Variants in ZBTB1 observed in about 807,000 individuals in gnomAD.
The protein encoded by ZBTB1 is zinc finger and BTB domain-containing protein 1.
In ZBTB1, 13 loss-of-function variants were observed where a neutral mutation model predicts 51.6. The ratio of observed to expected loss-of-function variants is 0.25; its 90% CI spans 0.16 to 0.40. The LOEUF is 0.40. ZBTB1 is among the 10% of genes least tolerant of loss of function. The pLI, the probability that ZBTB1 is intolerant of heterozygous loss-of-function variation, is 1.00. For synonymous variants in ZBTB1, 240 were observed against 282.2 expected, an observed-to-expected ratio of 0.85 and a Z score of 1.50; for missense variants, 567 against 856.5, an observed-to-expected ratio of 0.66 and a Z score of 4.22.
In ZBTB1 at chr14:64,522,549, G is replaced by C. The variant is rs1326372684; in HGVS notation, c.1045G>C (p.Asp349His). 1 of 1,613,788 alleles carries C rather than the reference G, an allele frequency of 6.2e-7. No individual in the cohort carries two copies. The highest frequency in any genetic ancestry group is 8.5e-7 in the Non-Finnish European group (1 of 1,179,970). The part of the protein sequence containing the change: ...LKDFNIIKVT[D>H]KDCNESTDND... ...AGACTTTAACATTATTAAAGTTACT[G>C]ATAAAGACTGTAATGAATCCACTGA... Residue 349 changes from aspartate to histidine, a missense_variant, in exon 2 of 2, where the codon GAT becomes CAT. This residue lies in a region of ZBTB1 where 329 missense variants were observed against 406.3 expected (regional missense o/e 0.81). Transcript: ENST00000683701.
rs1160337478 is a variant in ZBTB1 at position 64,517,781 on chromosome 14, A to ATATATT, written c.-18-3705_-18-3704insATATTT. On this transcript the variant is annotated intron_variant, in intron 1 of 1. Coordinates refer to ENST00000683701, the MANE Select transcript of ZBTB1 (RefSeq NM_001123329.2). ...AATATATATATATATATATATATAT[A>ATATATT]TTTTTTTTTTTTTTTTTTTTTTGAG... Among the ~76,000 whole-genome samples, 232 of 41,544 alleles carry ATATATT rather than the reference A, an allele frequency of 5.6e-3. 3 individuals are homozygous for ATATATT. The highest frequency in any genetic ancestry group is 9.0e-3 in the Non-Finnish European group (194 of 21,654). The allele number at this position is 41,544 out of a possible 152,430, so 27.3% of individuals were successfully genotyped here.
At chr14:64,526,669 AAATT>A (rs147956097), downstream of ZBTB1, among the ~76,000 whole-genome samples, 85 of 152,310 alleles carry the variant, frequency 5.6e-4, 2 homozygotes, top group East Asian at 0.016. Context: ...AGAATCTCAG[AAATT>A]AATAGAGCAC....
chr14:64,522,228 C>T lies in ZBTB1; in HGVS notation c.724C>T (p.His242Tyr). 1 of 1,614,166 alleles carries T rather than the reference C, an allele frequency of 6.2e-7. No individual in the cohort carries two copies. Among genetic ancestry groups the T allele is most frequent in the South Asian group, 1.1e-5 (1 of 91,082 alleles). The change falls in exon 2 of 2, where the codon CAT (histidine) becomes TAT (tyrosine). Residue 242 changes from histidine (H) to tyrosine (Y), a missense_variant. By Grantham distance (83) the His-to-Tyr change is moderately conservative. Around this residue, in one of 5 missense-constraint regions of ZBTB1, gnomAD observed 329 missense variants for 406.3 expected, o/e 0.81. Transcript: ENST00000683701. ...DEHVLTCTNR[H>Y]LYQNTRSYHR... ...GCATGTGCTAACCTGTACTAACAGA[C>T]ATTTATACCAAAACACAAGATCTTA... is the stretch of plus-strand genomic sequence containing the variant.
intron 1 of ZBTB1, among the ~76,000 whole-genome samples, chr14:64,511,799 G>A (rs754455020): frequency 6.6e-6 from 1 of 152,216 alleles, no homozygotes; most frequent in Non-Finnish European, 1.5e-5. Flanking sequence ...AGGCCATTTT[G>A]TGTAGGTGCA....
chr14:64,513,163 CACAT>C (rs2079743222), intron 1 of ZBTB1, among the ~76,000 whole-genome samples: 1 of 151,970 alleles, frequency 6.6e-6, no homozygotes, highest in Non-Finnish European at 1.5e-5. Context: ...CACACATACA[CACAT>C]ACATGTATAT....
intron 1 of ZBTB1, among the ~76,000 whole-genome samples, chr14:64,518,960 AAC>A (rs144951753): frequency 0.07 from 9,839 of 140,378 alleles, 422 homozygotes; most frequent in South Asian, 0.14. Flanking sequence ...TAGGTTAAAA[AAC>A]ACAACAAAAG....
At chr14:64,516,404 T>C (rs111788136) in intron 1 of ZBTB1, among the ~76,000 whole-genome samples, 3,809 of 152,386 alleles carry the variant, frequency 0.025, 55 homozygotes, top group Middle Eastern at 0.054. Flanking sequence ...ATTTGCATAA[T>C]AATGTTACTT....
intron 1 of ZBTB1, among the ~76,000 whole-genome samples, chr14:64,514,669 G>A (rs1266310818): frequency 1.3e-5 from 2 of 152,204 alleles, no homozygotes; most frequent in Admixed American, 1.3e-4. Context: ...AGATTGACAT[G>A]TATGGATAAA....
In ZBTB1 at chr14:64,524,143, T is replaced by A. The variant is rs1190730833; in HGVS notation, c.*497T>A. On this transcript the variant is annotated 3_prime_UTR_variant, in exon 2 of 2. Transcript: ENST00000683701. The stretch of plus-strand genomic sequence containing the variant: ...TCCCCCTTATTAATGAAATTCATAT[T>A]CTTAAATTGACAAGCTTATTAGGCA... 1 of 985,060 alleles carries A rather than the reference T, an allele frequency of 1.0e-6. No homozygotes were observed. The highest frequency in any genetic ancestry group is 1.2e-6 in the Non-Finnish European group (1 of 829,786). The allele number at this position is 985,060 out of a possible 1,614,324, so 61.0% of individuals were successfully genotyped here.
At chr14:64,515,662 A>G (rs1227931547) in intron 1 of ZBTB1, among the ~76,000 whole-genome samples, 3 of 151,980 alleles carry the variant, frequency 2.0e-5, no homozygotes, top group Non-Finnish European at 4.4e-5. Flanking sequence ...CTGGGAATAC[A>G]GGTGCCTGCC....
chr14:64,511,022 T>C lies in ZBTB1; in HGVS notation c.-19+6076T>C, dbSNP rs559667279. On this transcript the variant is annotated intron_variant, in intron 1 of 1. Transcript: ENST00000683701. ...ATGGTTGATTATGAGGGAGAAGTTATAGGTAGCTCCCAAGTAGTCTAGGTG... is the reference window on the plus strand; with the variant it reads ...ATGGTTGATTATGAGGGAGAAGTTACAGGTAGCTCCCAAGTAGTCTAGGTG... Among the ~76,000 whole-genome samples the C allele has an allele frequency of 8.0e-4, 122 of 152,244 alleles. 1 individual carries two copies. In the South Asian group the frequency reaches 0.012, roughly 15 times the overall value.
chr14:64,528,361 T>G (rs1471420239), downstream of ZBTB1, among the ~76,000 whole-genome samples: 1 of 136,440 alleles, frequency 7.3e-6, no homozygotes, highest in Non-Finnish European at 1.7e-5. Context: ...TTTTTTTTTT[T>G]TTTGCCATTC....
intron 1 of ZBTB1, among the ~76,000 whole-genome samples, chr14:64,506,628 TAG>T (rs1397941099): frequency 2.0e-5 from 3 of 152,372 alleles, no homozygotes; most frequent in Non-Finnish European, 4.4e-5. Context: ...ACGTCTACAG[TAG>T]AGTCTTCAGT....
Position 64,524,253 on chromosome 14 carries a change from A to G in ZBTB1, c.*607A>G. On this transcript the variant is annotated 3_prime_UTR_variant, in exon 2 of 2. Transcript: ENST00000683701. ...GATTGATGAACCTGAGGAAATTTTT[A>G]TAAATGAATATTTCCTATAATTGAT... 1.0e-6 allele frequency: 1 copy of G among 967,506 alleles called. No homozygotes were observed. Among genetic ancestry groups the G allele is most frequent in the Non-Finnish European group, 1.2e-6 (1 of 813,734 alleles). 59.9% of individuals were successfully genotyped at this position (967,506 alleles called of 1,614,324 possible). A position where few individuals can be genotyped will look rare whatever the true frequency, so the allele number is the denominator to read the frequency against.
intron 1 of ZBTB1, among the ~76,000 whole-genome samples, chr14:64,513,044 A>C (rs2079741479): frequency 6.6e-6 from 1 of 152,210 alleles, no homozygotes; most frequent in Admixed American, 6.5e-5. Context: ...GTCTTATAGC[A>C]GCATCTACTT....
intron 2 of ZBTB1, among the ~76,000 whole-genome samples, chr14:64,530,149 T>C (rs1345162064): frequency 6.6e-6 from 1 of 152,246 alleles, no homozygotes. Context: ...TATACTACTA[T>C]GTTAAACCTA....
chr14:64,507,581 T>C (rs961403881), intron 1 of ZBTB1, among the ~76,000 whole-genome samples: 3 of 152,212 alleles, frequency 2.0e-5, no homozygotes, highest in Admixed American at 6.5e-5. Flanking sequence ...TGGTGATTCA[T>C]GGACTCATGT....
chr14:64,532,131 A>G, exon 3 of ZBTB1: 1 of 432,562 alleles, frequency 2.3e-6, no homozygotes, highest in Non-Finnish European at 4.1e-6. Flanking sequence ...ATTTGTGTAA[A>G]TCTGCTGAAG....
chr14:64,531,988 C>A, exon 3 of ZBTB1: 2 of 1,469,694 alleles, frequency 1.4e-6, no homozygotes, highest in Admixed American at 2.2e-5. Flanking sequence ...TCTGAAGTGG[C>A]ACCATCTTTT....
Sources: gnomAD v4.1 joint callset for allele counts (sites outside exome capture counted in the v4.1 genomes callset) on GRCh38, gnomAD v4.1.1 for gene constraint, gnomAD v4.1.1 regional missense constraint, MANE v1.5 for transcripts, NCBI Gene and HGNC (gene_info 2026-07-23, HGNC 2026-07-21) for gene names.